Variants in ESRRG observed in about 807,000 individuals in gnomAD.
ESRRG encodes estrogen-related receptor gamma.
In ESRRG, 13 loss-of-function variants were observed where a neutral mutation model predicts 44.0. The observed-to-expected ratio is 0.30, with a 90% confidence interval of 0.19 to 0.47. The LOEUF (loss-of-function observed/expected upper bound fraction) is 0.47, where lower values mean the gene tolerates loss of function less well. ESRRG is among the 20% of genes least tolerant of loss of function. The pLI, the probability that ESRRG is intolerant of heterozygous loss-of-function variation, is 1.00. For missense variants in ESRRG, 395 were observed against 580.6 expected (o/e 0.68, Z 3.29); for synonymous variants, 215 against 214.6 (o/e 1.00, Z -0.02).
chr1:217,114,876 G>A (rs1298586836), intron 1 of ESRRG, among the ~76,000 whole-genome samples: 2 of 151,942 alleles, frequency 1.3e-5, no homozygotes, highest in Admixed American at 6.6e-5. Context: ...TGTCGACCAG[G>A]ATGGTCTCGA....
chr1:216,764,670 A>T (rs140289448), intron 2 of ESRRG, among the ~76,000 whole-genome samples: 243 of 152,144 alleles, frequency 1.6e-3, no homozygotes, highest in Admixed American at 0.013. Flanking sequence ...GACATAGTTG[A>T]TTGTTATGTT....
rs1322564133 is a variant in ESRRG at position 216,677,128 on chromosome 1, A to G, written c.420T>C (p.Tyr140=). 2.5e-6 allele frequency: 4 copies of G among 1,613,900 alleles called. No homozygotes were observed. Among genetic ancestry groups the G allele is most frequent in the African/African-American group, 1.3e-5 (1 of 74,924 alleles). The part of the protein sequence containing the change: ...VCGDIASGYH[Y]GVASCEACKA... ...TGCAGGCTTCACATGATGCTACCCC[A>G]TAGTGGTACCCAGAAGCGATGTCAC... Residue 140 remains tyrosine, a synonymous_variant, in exon 2 of 7, where the codon TAT becomes TAC. Transcript: ENST00000408911.
intron 1 of ESRRG, among the ~76,000 whole-genome samples, chr1:216,717,880 G>T (rs891860462): frequency 6.6e-6 from 1 of 151,830 alleles, no homozygotes; most frequent in African/African-American, 2.4e-5. Context: ...TTTACATTAA[G>T]ATGTATTTGT....
chr1:216,718,932 T>C (rs2085527921), intron 1 of ESRRG, among the ~76,000 whole-genome samples: 1 of 152,020 alleles, frequency 6.6e-6, no homozygotes, highest in Non-Finnish European at 1.5e-5. Flanking sequence ...TTATTTGATA[T>C]TAATTGGTTT....
chr1:217,125,949 C>T (rs1056695923), intron 1 of ESRRG, among the ~76,000 whole-genome samples: 1 of 152,108 alleles, frequency 6.6e-6, no homozygotes, highest in Non-Finnish European at 1.5e-5. Flanking sequence ...CCCAGGGATT[C>T]AGTATTTCTA....
chr1:216,637,031 G>A (rs188476404), intron 3 of ESRRG, among the ~76,000 whole-genome samples: 60 of 152,232 alleles, frequency 3.9e-4, no homozygotes, highest in Non-Finnish European at 1.5e-4. Flanking sequence ...ATACAGAATC[G>A]TTGAGAAGTA....
At chr1:216,747,266 A>T (rs1559493876) in intron 2 of ESRRG, among the ~76,000 whole-genome samples, 1 of 152,138 alleles carries the variant, frequency 6.6e-6, no homozygotes, top group Non-Finnish European at 1.5e-5. Context: ...GAGAGTAATT[A>T]CCCGCATCCC....
At chr1:217,033,665 A>T (rs1182948555) in intron 1 of ESRRG, among the ~76,000 whole-genome samples, 2 of 152,132 alleles carry the variant, frequency 1.3e-5, no homozygotes, top group Non-Finnish European at 2.9e-5. Context: ...AGCTGTTTTC[A>T]AAAAGCCATA....
chr1:216,718,044 A>G (rs2085292638), intron 1 of ESRRG, among the ~76,000 whole-genome samples: 1 of 151,902 alleles, frequency 6.6e-6, no homozygotes, highest in Non-Finnish European at 1.5e-5. Flanking sequence ...GAATACATGA[A>G]TAACAATAAT....
Position 216,506,972 on chromosome 1 carries a change from T to C in ESRRG, c.1344A>G (p.Lys448=), listed in dbSNP as rs1458776142. 1 of 1,613,984 alleles carries C rather than the reference T, an allele frequency of 6.2e-7. No homozygotes were observed. Among genetic ancestry groups the C allele is most frequent in the African/African-American group, 1.3e-5 (1 of 74,894 alleles). ...TGGCCTCCAACATTTCCAAAAAAAG[T>C]TTGTGCATTGGGACTTTGCCTTCTA... is the stretch of plus-strand genomic sequence containing the variant. ...IKLEGKVPMH[K]LFLEMLEAKV The change falls in exon 7 of 7, where the codon AAA becomes AAG. Residue 448 remains lysine, a synonymous_variant. Transcript: ENST00000408911.
intron 2 of ESRRG, among the ~76,000 whole-genome samples, chr1:216,866,895 T>G (rs77388971): frequency 6.6e-6 from 1 of 152,338 alleles, no homozygotes; most frequent in African/African-American, 2.4e-5. Context: ...TAATCTCTCT[T>G]CTTTATTTTC....
At chr1:216,508,513 C>A (rs571881131) in intron 6 of ESRRG, among the ~76,000 whole-genome samples, 13 of 152,268 alleles carry the variant, frequency 8.5e-5, no homozygotes, top group African/African-American at 2.9e-4. Context: ...TGGGAAATAG[C>A]ATTGATAGTG....
At chr1:216,954,235 A>T (rs2067514826) in intron 1 of ESRRG, among the ~76,000 whole-genome samples, 1 of 152,240 alleles carries the variant, frequency 6.6e-6, no homozygotes, top group Middle Eastern at 3.4e-3. Context: ...TGGATAAAAA[A>T]ATGCTATAAG....
At chr1:217,055,475 A>G (rs2086891949) in intron 1 of ESRRG, among the ~76,000 whole-genome samples, 1 of 152,140 alleles carries the variant, frequency 6.6e-6, no homozygotes, top group African/African-American at 2.4e-5. Context: ...AACTGCAACC[A>G]CTTGCAAACA....
At chr1:216,690,831 C>T (rs572532482) in intron 1 of ESRRG, among the ~76,000 whole-genome samples, 4 of 152,216 alleles carry the variant, frequency 2.6e-5, no homozygotes, top group African/African-American at 4.8e-5. Context: ...AGTTCAAAGT[C>T]CAGATTTCCA....
At chr1:217,094,170 C>A (rs2092391643), upstream of ESRRG, among the ~76,000 whole-genome samples, 1 of 152,190 alleles carries the variant, frequency 6.6e-6, no homozygotes, top group African/African-American at 2.4e-5. Flanking sequence ...CAGGCATGAG[C>A]CACTGCACCC....
intron 1 of ESRRG, among the ~76,000 whole-genome samples, chr1:217,023,221 A>G (rs761420670): frequency 6.6e-6 from 1 of 152,198 alleles, no homozygotes; most frequent in Non-Finnish European, 1.5e-5. Flanking sequence ...TTACCTCTCC[A>G]TTAATATATT....
At chr1:216,986,596 G>C (rs1035919242) in intron 1 of ESRRG, among the ~76,000 whole-genome samples, 6 of 151,692 alleles carry the variant, frequency 4.0e-5, no homozygotes, top group Non-Finnish European at 8.8e-5. Flanking sequence ...GAGTGGCGGG[G>C]CATGGCTGTG....
At chr1:216,820,388 AG>A (rs1277373527) in intron 2 of ESRRG, among the ~76,000 whole-genome samples, 1 of 152,250 alleles carries the variant, frequency 6.6e-6, no homozygotes, top group East Asian at 1.9e-4. Context: ...CAACTCATAA[AG>A]GGTTATGTAA....
Sources: gnomAD v4.1 joint callset for allele counts (sites outside exome capture counted in the v4.1 genomes callset) on GRCh38, gnomAD v4.1.1 for gene constraint, MANE v1.5 for transcripts, NCBI Gene and HGNC (gene_info 2026-07-23, HGNC 2026-07-21) for gene names.